The following ADGRE3 variants were observed in gnomAD, a reference collection of about 807,000 sequenced individuals.
ADGRE3 encodes adhesion G protein-coupled receptor E3.
In ADGRE3, 88 loss-of-function variants were observed where a neutral mutation model predicts 80.1. The observed-to-expected ratio is 1.10, with a 90% confidence interval of 0.93 to 1.31. ADGRE3 has a LOEUF of 1.31. ADGRE3 is among the 40% of genes most tolerant of loss of function. ADGRE3 has a pLI of 0.00. For synonymous variants in ADGRE3, 281 were observed against 294.8 expected, an observed-to-expected ratio of 0.95 and a Z score of 0.48; for missense variants, 715 against 776.5, an observed-to-expected ratio of 0.92 and a Z score of 0.94.
At chr19:14,626,444 CAAAAG>C (rs756562270) in intron 14 of ADGRE3, among the ~76,000 whole-genome samples, 13 of 151,782 alleles carry the variant, frequency 8.6e-5, no homozygotes, top group East Asian at 5.8e-4. Flanking sequence ...CTCAAAAAAA[CAAAAG>C]AAAAGAAAAG....
chr19:14,638,300 T>C lies in ADGRE3; in HGVS notation c.1289A>G (p.Tyr430Cys). 6.8e-6 allele frequency: 11 copies of C among 1,613,930 alleles called. 1 individual carries two copies. The South Asian group carries it at 1.1e-4, about 16-fold the overall frequency. The change falls in exon 11 of 16, where the codon TAC becomes TGC. Residue 430 changes from tyrosine to cysteine, a missense_variant. By Grantham distance (194) the Tyr-to-Cys change is radical. Transcript: ENST00000253673. ...CAGCATCCAGGTGAAGGCGGCCAGG[T>C]AGAGATAGTGCAAAGCACCGGCGAT... ...SIIAGALHYL[Y>C]LAAFTWMLLE...
intron 2 of ADGRE3, among the ~76,000 whole-genome samples, chr19:14,663,815 G>C (rs532046816): frequency 1.1e-3 from 165 of 152,068 alleles, no homozygotes; most frequent in Non-Finnish European, 1.7e-3. Flanking sequence ...CTCCAGCCTG[G>C]GTGACAGAGG....
At position 14,632,984 on chromosome 19, in the gene ADGRE3, A is replaced by G; in HGVS notation, c.1580T>C (p.Phe527Ser). ...SANLVLFILV[F>S]WILKRKLSSL... Reference sequence around the variant, plus strand: ...GGAAAGTTTTCTTTTCAAAATCCAAAAGACCAAGATAAACAATACTAAATT... The same window carrying G: ...GGAAAGTTTTCTTTTCAAAATCCAAGAGACCAAGATAAACAATACTAAATT... Residue 527 changes from phenylalanine to serine, a missense_variant, in exon 13 of 16, where the codon TTT becomes TCT. Coordinates refer to ENST00000253673, the MANE Select transcript of ADGRE3 (RefSeq NM_032571.5). The G allele has an allele frequency of 6.2e-7, 1 of 1,614,012 alleles. No individual in the cohort carries two copies. Among genetic ancestry groups the G allele is most frequent in the Non-Finnish European group, 8.5e-7 (1 of 1,179,878 alleles).
chr19:14,612,019 A>T, the ADGRE3 span, among the ~76,000 whole-genome samples: 67 of 152,092 alleles, frequency 4.4e-4, no homozygotes, highest in African/African-American at 1.0e-3. Flanking sequence ...AATAAATAAA[A>T]ATAAAAATTC....
At chr19:14,650,388 TTCTCTCTCTTTCCATCGCTGTCCCCA>T (rs1971557231) in intron 7 of ADGRE3, among the ~76,000 whole-genome samples, 1 of 138,060 alleles carries the variant, frequency 7.2e-6, no homozygotes, top group South Asian at 2.5e-4. Context: ...CTCTCTCCCC[TTCTCTCTCTTTCCATCGCTGTCCCCA>T]TCTCTCTCTT....
intron 4 of ADGRE3, among the ~76,000 whole-genome samples, 198 bp from the exon 5 acceptor site, chr19:14,658,748 A>G (rs765340447): frequency 2.6e-5 from 4 of 151,824 alleles, no homozygotes; most frequent in Non-Finnish European, 5.9e-5. Context: ...TTTTATTTTT[A>G]TTTTGAGACA....
chr19:14,656,073 C>T (rs980165855), intron 5 of ADGRE3, among the ~76,000 whole-genome samples: 11 of 150,648 alleles, frequency 7.3e-5, no homozygotes, highest in African/African-American at 2.4e-4. Flanking sequence ...GGGCAGGGTG[C>T]GGTGGCTCAT....
the ADGRE3 span, among the ~76,000 whole-genome samples, chr19:14,604,396 T>C: frequency 6.6e-6 from 1 of 152,198 alleles, no homozygotes; most frequent in Non-Finnish European, 1.5e-5. Flanking sequence ...AGAAATTTTA[T>C]TACCCACATT....
At chr19:14,627,408 C>T (rs1427969189) in intron 14 of ADGRE3, among the ~76,000 whole-genome samples, 2 of 152,104 alleles carry the variant, frequency 1.3e-5, no homozygotes, top group Non-Finnish European at 2.9e-5. Flanking sequence ...GACGGAGTCT[C>T]GCTCTGTTGC....
chr19:14,671,961 G>A (rs908523660), intron 1 of ADGRE3, among the ~76,000 whole-genome samples: 1 of 152,112 alleles, frequency 6.6e-6, no homozygotes, highest in South Asian at 2.1e-4. Context: ...TGTTGACCGA[G>A]CTGGTCTTGA....
intron 11 of ADGRE3, among the ~76,000 whole-genome samples, chr19:14,635,969 G>A (rs11883383): frequency 0.92 from 125,219 of 135,980 alleles, 57,787 homozygotes; most frequent in South Asian, 0.94. Flanking sequence ...TTGCAAACCA[G>A]TATTGCCAAT....
intron 8 of ADGRE3, among the ~76,000 whole-genome samples, chr19:14,644,814 C>T (rs1411050774): frequency 6.6e-6 from 1 of 152,204 alleles, no homozygotes; most frequent in Non-Finnish European, 1.5e-5. Flanking sequence ...CCACCTTGAC[C>T]TCCCTGGCTC....
At chr19:14,646,105 A>G (rs1455073233) in intron 8 of ADGRE3, among the ~76,000 whole-genome samples, 1 of 152,160 alleles carries the variant, frequency 6.6e-6, no homozygotes. Flanking sequence ...TCAAGGAGAT[A>G]TTTTACATTC....
rs71166783 is a variant in ADGRE3 at position 14,665,936 on chromosome 19, G to GTATATATATGTATA, written c.77-2397_77-2396insTATACATATATATA. Among the ~76,000 whole-genome samples, 70 of 42,094 alleles carry GTATATATATGTATA rather than the reference G, an allele frequency of 1.7e-3. 1 individual carries two copies. Among genetic ancestry groups the GTATATATATGTATA allele is most frequent in the African/African-American group, 7.8e-3 (68 of 8,714 alleles). The allele number at this position is 42,094 out of a possible 152,430, so 27.6% of individuals were successfully genotyped here. A position where few individuals can be genotyped will look rare whatever the true frequency, so the allele number is the denominator to read the frequency against. ...ATATATTGCATATACACACATATGT[G>GTATATATATGTATA]TATATATATATATATATATATATAT... On this transcript the variant is annotated intron_variant, in intron 2 of 15. Coordinates refer to ENST00000253673, the MANE Select transcript of ADGRE3 (RefSeq NM_032571.5).
At chr19:14,609,868 C>A in the ADGRE3 span, among the ~76,000 whole-genome samples, 1 of 146,100 alleles carries the variant, frequency 6.8e-6, no homozygotes, top group Non-Finnish European at 1.5e-5. Flanking sequence ...CAAAAAACCC[C>A]CCAAAACCAG....
At chr19:14,667,191 G>A (rs1972126490) in intron 2 of ADGRE3, among the ~76,000 whole-genome samples, 1 of 152,132 alleles carries the variant, frequency 6.6e-6, no homozygotes, top group Non-Finnish European at 1.5e-5. Context: ...GCTGCTGGTG[G>A]CTATGAAGTG....
chr19:14,668,242 C>T (rs933510287), intron 2 of ADGRE3, among the ~76,000 whole-genome samples: 2 of 152,048 alleles, frequency 1.3e-5, no homozygotes, highest in African/African-American at 4.8e-5. Flanking sequence ...CAGAGTGAGA[C>T]TCTGTCTCAA....
intron 8 of ADGRE3, among the ~76,000 whole-genome samples, chr19:14,646,453 T>G (rs1359045237): frequency 6.6e-6 from 1 of 152,170 alleles, no homozygotes; most frequent in Non-Finnish European, 1.5e-5. Flanking sequence ...TATTTTTAAT[T>G]TATACATTAT....
chr19:14,619,533 C>A (rs1970475006), intron 15 of ADGRE3, 62 bp from the exon 16 acceptor site: 1 of 1,307,784 alleles, frequency 7.6e-7, no homozygotes, highest in South Asian at 1.2e-5. Flanking sequence ...CAGACAAAAT[C>A]AACAACATGG....
Sources: gnomAD v4.1 joint callset for allele counts (sites outside exome capture counted in the v4.1 genomes callset) on GRCh38, gnomAD v4.1.1 for gene constraint, MANE v1.5 for transcripts, NCBI Gene and HGNC (gene_info 2026-07-23, HGNC 2026-07-21) for gene names.